SKP2: variants seen among roughly 807,000 people sequenced by gnomAD.
The protein encoded by SKP2 is S-phase kinase-associated protein 2.
Under a neutral mutation model 51.8 loss-of-function variants are expected in SKP2, and 16 were observed. The observed-to-expected ratio is 0.31, with a 90% CI of 0.21 to 0.47. The LOEUF is 0.47. SKP2 is among the 20% of genes least tolerant of loss of function. The pLI is 1.00. For missense variants in SKP2, 377 were observed against 505.3 expected (o/e 0.75, Z 2.43); for synonymous variants, 176 against 198.6 (o/e 0.89, Z 0.96).
intron 2 of SKP2, 86 bp from the exon 3 acceptor site, chr5:36,163,559 G>GTA: frequency 1.3e-6 from 1 of 768,276 alleles, no homozygotes; most frequent in Non-Finnish European, 2.3e-6. Flanking sequence ...GCTAAATGTT[G>GTA]TATATTCTTT....
intron 2 of SKP2, chr5:36,155,263 G>T (rs898401432): frequency 6.6e-6 from 1 of 152,088 alleles, no homozygotes; most frequent in Admixed American, 6.6e-5. Flanking sequence ...TTTTCTTTAG[G>T]AAAGAGAACT....
intron 6 of SKP2, among the ~76,000 whole-genome samples, chr5:36,190,155 C>A (rs1262016808): frequency 6.6e-6 from 1 of 152,110 alleles, no homozygotes; most frequent in African/African-American, 2.4e-5. Flanking sequence ...ATTCCCTGAC[C>A]CCTTTCACTT....
In SKP2 at chr5:36,163,706, C is replaced by T. The variant is rs367854237; in HGVS notation, c.342C>T (p.Leu114=). The part of the protein sequence containing the change: ...LLLGIFSCLC[L]PELLKVSGVC... ...TGGGAATCTTTTCCTGTCTGTGCCTCCCTGAGCTGCTAAAGGTCTCTGGTG... is the reference window on the plus strand; with the variant it reads ...TGGGAATCTTTTCCTGTCTGTGCCTTCCTGAGCTGCTAAAGGTCTCTGGTG... Residue 114 remains leucine, a synonymous_variant, in exon 3 of 10, where the codon CTC becomes CTT. Transcript: ENST00000274255. The T allele has an allele frequency of 6.8e-6, 11 of 1,614,040 alleles. No homozygotes were observed. The highest frequency in any genetic ancestry group is 6.7e-5 in the African/African-American group (5 of 75,004).
Position 36,182,667 on chromosome 5 carries a change from CAA to C in SKP2, c.*637_*638del, listed in dbSNP as rs1745848922. 1 of 976,008 alleles carries C rather than the reference CAA, an allele frequency of 1.0e-6. No homozygotes were observed. Among genetic ancestry groups the C allele is most frequent in the Admixed American group, 6.2e-5 (1 of 16,246 alleles). The allele number at this position is 976,008 out of a possible 1,614,324, so 60.5% of individuals were successfully genotyped here. ...ATTACAAAACCCAGAGATATAGAAT[CAA>C]TATAGGATTTGAAGGCCCAGCAGAC... On this transcript the variant is annotated 3_prime_UTR_variant, in exon 10 of 10. Transcript: ENST00000274255.
In SKP2 at chr5:36,163,552, A is replaced by G. The variant is rs1019507557; in HGVS notation, c.281-93A>G. On this transcript the variant is annotated intron_variant, in intron 2 of 9. Coordinates refer to ENST00000274255, the MANE Select transcript of SKP2 (RefSeq NM_005983.4). ...TTGTGCTAAATTCCTCATTTAAGCT[A>G]AATGTTGTATATTCTTTATGTGTTT... The G allele has an allele frequency of 2.8e-5, 20 of 723,670 alleles. No homozygotes were observed. The Admixed American group carries it at 3.9e-4, about 14-fold the overall frequency. 44.8% of individuals were successfully genotyped at this position (723,670 alleles called of 1,614,324 possible).
chr5:36,183,520 G>T lies in SKP2; in HGVS notation c.*1489G>T, dbSNP rs1164429975. 21 of 772,066 alleles carry T rather than the reference G, an allele frequency of 2.7e-5. No individual in the cohort carries two copies. The highest frequency in any genetic ancestry group is 3.2e-5 in the Non-Finnish European group (20 of 633,080). The allele number at this position is 772,066 out of a possible 1,614,324, so 47.8% of individuals were successfully genotyped here. On this transcript the variant is annotated 3_prime_UTR_variant, in exon 10 of 10. Transcript: ENST00000274255. The stretch of plus-strand genomic sequence containing the variant: ...CTGACCTCATGATCCGCCCGTCTTG[G>T]CCTCCCAAAGTGCTGGGATTACAGG...
At chr5:36,179,406 GTCTT>G (rs1169356339) in intron 9 of SKP2, among the ~76,000 whole-genome samples, 1 of 152,132 alleles carries the variant, frequency 6.6e-6, no homozygotes, top group Non-Finnish European at 1.5e-5. Context: ...CAATTTGAAT[GTCTT>G]TCTTCTGTAA....
At chr5:36,174,393 A>G (rs1166915752) in intron 7 of SKP2, among the ~76,000 whole-genome samples, 1 of 152,102 alleles carries the variant, frequency 6.6e-6, no homozygotes, top group Non-Finnish European at 1.5e-5. Context: ...TTTATCCCCC[A>G]ATGTTTCGTT....
chr5:36,157,876 T>C (rs1413930589), intron 2 of SKP2, among the ~76,000 whole-genome samples: 1 of 152,118 alleles, frequency 6.6e-6, no homozygotes, highest in East Asian at 1.9e-4. Context: ...GAGAAATAAA[T>C]ATGTCAAGTA....
At chr5:36,157,939 G>T (rs1293726955) in intron 2 of SKP2, among the ~76,000 whole-genome samples, 1 of 152,164 alleles carries the variant, frequency 6.6e-6, no homozygotes, top group Non-Finnish European at 1.5e-5. Context: ...TCTCCAACAA[G>T]GCCCTCTTCC....
intron 7 of SKP2, among the ~76,000 whole-genome samples, chr5:36,175,987 A>G (rs1745621020): frequency 6.6e-6 from 1 of 152,036 alleles, no homozygotes; most frequent in Non-Finnish European, 1.5e-5. Context: ...CAAAAAAAGC[A>G]GGAATCAGTT....
chr5:36,160,551 G>A (rs1745090850), intron 2 of SKP2, among the ~76,000 whole-genome samples: 1 of 152,172 alleles, frequency 6.6e-6, no homozygotes, highest in Non-Finnish European at 1.5e-5. Context: ...ACAGACCTCA[G>A]TGTATATAGT....
chr5:36,157,456 GT>G (rs1419533858), intron 2 of SKP2, among the ~76,000 whole-genome samples: 1 of 152,070 alleles, frequency 6.6e-6, no homozygotes, highest in African/African-American at 2.4e-5. Flanking sequence ...GTTTTTTTCA[GT>G]TTTGCCCACC....
Position 36,163,754 on chromosome 5 carries a change from A to G in SKP2, c.390A>G (p.Leu130=), listed in dbSNP as rs777910194. ...VSGVCKRWYR[L]ASDESLWQTL... is the part of the protein sequence containing the mutation. ...GTGTTTGTAAGAGGTGGTATCGCCT[A>G]GCGTAAGTATTTTTCACCCCTTTGG... The change falls in exon 3 of 10, where the codon CTA becomes CTG. Residue 130 remains leucine, a splice_region_variant and synonymous_variant. Coordinates refer to ENST00000274255, the MANE Select transcript of SKP2 (RefSeq NM_005983.4). 29 of 1,599,612 alleles carry G rather than the reference A, an allele frequency of 1.8e-5. No individual in the cohort carries two copies. Among genetic ancestry groups the G allele is most frequent in the Non-Finnish European group, 2.5e-5 (29 of 1,166,864 alleles).
chr5:36,165,955 T>C (rs1745272939), intron 3 of SKP2, among the ~76,000 whole-genome samples: 1 of 152,344 alleles, frequency 6.6e-6, no homozygotes, highest in South Asian at 2.1e-4. Flanking sequence ...CACATACATA[T>C]ACACGTGTAT....
At chr5:36,184,827 G>A (rs556743226), downstream of SKP2, among the ~76,000 whole-genome samples, 47 of 152,306 alleles carry the variant, frequency 3.1e-4, no homozygotes, top group Non-Finnish European at 6.0e-4. Flanking sequence ...AGATCCTTGA[G>A]GAATCACCAC....
chr5:36,188,053 C>T (rs1200947944), downstream of SKP2, among the ~76,000 whole-genome samples: 1 of 152,244 alleles, frequency 6.6e-6, no homozygotes, highest in East Asian at 1.9e-4. Context: ...AGGATTGCAA[C>T]CCCTGCCTTT....
chr5:36,171,159 A>G (rs555896391), intron 6 of SKP2, among the ~76,000 whole-genome samples: 26 of 152,352 alleles, frequency 1.7e-4, no homozygotes, highest in African/African-American at 5.5e-4. Flanking sequence ...GTTTTTGCTC[A>G]GTTAGCAGAA....
chr5:36,177,109 C>T (rs1473587329), intron 8 of SKP2, 76 bp from the exon 9 acceptor site: 1 of 1,298,934 alleles, frequency 7.7e-7, no homozygotes. Context: ...AGCAACTAAA[C>T]AGTAGGTTAT....
Sources: gnomAD v4.1 joint callset for allele counts (sites outside exome capture counted in the v4.1 genomes callset) on GRCh38, gnomAD v4.1.1 for gene constraint, MANE v1.5 for transcripts, NCBI Gene and HGNC (gene_info 2026-07-23, HGNC 2026-07-21) for gene names.